XRN1: variants seen among roughly 807,000 people sequenced by gnomAD.
The protein encoded by XRN1 is strand-exchange protein 1 homolog.
In XRN1, 67 loss-of-function variants were observed where a neutral mutation model predicts 222.3. The observed-to-expected ratio is 0.30, with a 90% CI of 0.25 to 0.37. The LOEUF is 0.37. Among genes scored for constraint, XRN1 ranks in the 10% least tolerant of loss-of-function variants. The probability of loss-of-function intolerance (pLI) is 1.00; values close to 1 mark genes in which losing one functional copy is unlikely to be tolerated. For synonymous variants in XRN1, 643 were observed against 652.4 expected, an observed-to-expected ratio of 0.99 and a Z score of 0.22; for missense variants, 1,707 against 2,000.2, an observed-to-expected ratio of 0.85 and a Z score of 2.80.
intron 33 of XRN1, among the ~76,000 whole-genome samples, chr3:142,342,568 T>C (rs1179565278): frequency 6.6e-6 from 1 of 152,014 alleles, no homozygotes; most frequent in Non-Finnish European, 1.5e-5. Flanking sequence ...GTAATGAAAA[T>C]GGCATGGCAC....
At chr3:142,391,729 G>T (rs1366361728) in intron 20 of XRN1, among the ~76,000 whole-genome samples, 1 of 106,284 alleles carries the variant, frequency 9.4e-6, no homozygotes, top group Admixed American at 1.2e-4. Context: ...GTAAGACCCC[G>T]TCTCACTAAA....
chr3:142,423,116 G>A (rs2069107024), intron 6 of XRN1, among the ~76,000 whole-genome samples, 194 bp from the exon 7 acceptor site: 1 of 152,150 alleles, frequency 6.6e-6, no homozygotes, highest in Non-Finnish European at 1.5e-5. Flanking sequence ...ACATGTTAAA[G>A]TTCAAAACAA....
chr3:142,383,266 GA>G, intron 22 of XRN1, 33 bp downstream of exon 22: 1 of 1,528,606 alleles, frequency 6.5e-7, no homozygotes, highest in South Asian at 1.2e-5. Context: ...TTAAACTAGA[GA>G]AAAATGTATC....
intron 18 of XRN1, among the ~76,000 whole-genome samples, chr3:142,403,307 G>A (rs1290847699): frequency 1.3e-5 from 2 of 152,038 alleles, no homozygotes; most frequent in African/African-American, 4.8e-5. Flanking sequence ...TGACATTTTT[G>A]ACTGAAATGA....
intron 13 of XRN1, among the ~76,000 whole-genome samples, 155 bp downstream of exon 13, chr3:142,416,985 T>C (rs1017025234): frequency 3.1e-5 from 4 of 129,166 alleles, no homozygotes; most frequent in Non-Finnish European, 4.6e-5. Context: ...GCCGAGATCA[T>C]GCCACTGCAC....
intron 20 of XRN1, among the ~76,000 whole-genome samples, chr3:142,393,117 T>C (rs1231424286): frequency 6.7e-6 from 1 of 149,932 alleles, no homozygotes; most frequent in Non-Finnish European, 1.5e-5. Flanking sequence ...GCTGCATAAA[T>C]GTCTTCTTTT....
chr3:142,404,911 T>C lies in XRN1; in HGVS notation c.1879A>G (p.Thr627Ala), dbSNP rs1242611024. The part of the protein sequence containing the change: ...EKFPAIERCC[T>A]RYKIISLDAW... The stretch of plus-strand genomic sequence containing the variant: ...AAAATTACCAAGTAACATTACCTTG[T>C]ACAACATCGTTCTATGGCAGGGAAC... Residue 627 changes from threonine (T) to alanine (A), a missense_variant, in exon 16 of 41, where the codon ACA becomes GCA. Physicochemically the swap from Thr to Ala is moderately conservative, Grantham distance 58. Coordinates refer to ENST00000392981, the MANE Select transcript of XRN1 (RefSeq NM_001282857.2). The C allele has an allele frequency of 1.9e-6, 3 of 1,613,986 alleles. No homozygotes were observed. The highest frequency in any genetic ancestry group is 2.5e-6 in the Non-Finnish European group (3 of 1,179,892).
chr3:142,334,580 T>C (rs2065794099), intron 34 of XRN1, among the ~76,000 whole-genome samples: 1 of 151,856 alleles, frequency 6.6e-6, no homozygotes, highest in Non-Finnish European at 1.5e-5. Flanking sequence ...CCACAGAAGT[T>C]AGCCTGTTAA....
intron 15 of XRN1, among the ~76,000 whole-genome samples, chr3:142,407,898 T>A (rs1379825752): frequency 1.3e-5 from 2 of 152,260 alleles, no homozygotes; most frequent in Non-Finnish European, 2.9e-5. Context: ...TTCACAGCAA[T>A]GCTGACAAAT....
chr3:142,406,849 A>G (rs1202551646), intron 15 of XRN1, among the ~76,000 whole-genome samples: 1 of 152,190 alleles, frequency 6.6e-6, no homozygotes, highest in Admixed American at 6.5e-5. Context: ...TGAGCACAAC[A>G]GTTGTTAAGA....
At chr3:142,360,232 G>C (rs867446908) in intron 29 of XRN1, among the ~76,000 whole-genome samples, 8 of 152,164 alleles carry the variant, frequency 5.3e-5, no homozygotes, top group South Asian at 2.1e-4. Context: ...ATGTATCTAT[G>C]AATAATACAT....
At chr3:142,403,443 T>C (rs2068220707) in intron 18 of XRN1, among the ~76,000 whole-genome samples, 1 of 152,204 alleles carries the variant, frequency 6.6e-6, no homozygotes, top group Non-Finnish European at 1.5e-5. Flanking sequence ...TTGGTTTACA[T>C]AGCTCTTCTC....
At chr3:142,318,989 ATT>A (rs2065279070) in intron 37 of XRN1, 86 bp from the exon 38 acceptor site, 2 of 1,137,640 alleles carry the variant, frequency 1.8e-6, no homozygotes, top group Non-Finnish European at 2.4e-6. Flanking sequence ...AAGTAAAATA[ATT>A]TTATCAAGAA....
intron 14 of XRN1, 76 bp from the exon 15 acceptor site, chr3:142,412,739 T>C: frequency 1.7e-6 from 2 of 1,180,234 alleles, no homozygotes; most frequent in Non-Finnish European, 2.2e-6. Flanking sequence ...GTATTTATAA[T>C]ATTTCCTCAT....
intron 34 of XRN1, among the ~76,000 whole-genome samples, chr3:142,333,631 T>A (rs766089713): frequency 6.6e-6 from 1 of 152,174 alleles, no homozygotes; most frequent in Non-Finnish European, 1.5e-5. Context: ...TCTGTTAAAA[T>A]CCTAACTCCT....
intron 39 of XRN1, among the ~76,000 whole-genome samples, chr3:142,315,863 T>C (rs2065199019): frequency 6.6e-6 from 1 of 152,154 alleles, no homozygotes; most frequent in Non-Finnish European, 1.5e-5. Flanking sequence ...CTACTCCAGG[T>C]TTAACTGTTT....
At chr3:142,414,055 G>C (rs1027684499) in intron 14 of XRN1, 80 bp downstream of exon 14, 31 of 1,322,056 alleles carry the variant, frequency 2.3e-5, no homozygotes, top group Non-Finnish European at 3.0e-5. Flanking sequence ...AAATAAATTT[G>C]AGTATTATTG....
intron 32 of XRN1, among the ~76,000 whole-genome samples, chr3:142,354,324 G>T (rs1294542581): frequency 1.3e-5 from 2 of 152,136 alleles, no homozygotes; most frequent in Admixed American, 1.3e-4. Context: ...TAAACTCCTG[G>T]TAGGAATGTA....
At chr3:142,365,816 C>T (rs918098634) in intron 27 of XRN1, among the ~76,000 whole-genome samples, 1 of 152,118 alleles carries the variant, frequency 6.6e-6, no homozygotes, top group African/African-American at 2.4e-5. Flanking sequence ...TAAATGCTAT[C>T]CTATTCAAAT....
Sources: allele counts gnomAD v4.1 joint callset (sites outside exome capture counted in the v4.1 genomes callset), GRCh38; gene constraint gnomAD v4.1.1; transcripts MANE v1.5; gene names NCBI Gene and HGNC (gene_info 2026-07-23, HGNC 2026-07-21).